The following TTLL10 variants were observed in gnomAD, a reference collection of about 807,000 sequenced individuals.
TTLL10 encodes the protein tubulin tyrosine ligase like 10, also known as inactive polyglycylase TTLL10.
In TTLL10, 61 loss-of-function variants were observed where a neutral mutation model predicts 69.0. That is an observed-to-expected ratio of 0.88 (90% CI 0.72 to 1.09). The LOEUF is 1.09. TTLL10 is among the 50% of genes least tolerant of loss of function. The pLI, the probability that TTLL10 is intolerant of heterozygous loss-of-function variation, is 0.00. For missense variants in TTLL10, 962 were observed against 945.9 expected (o/e 1.02, Z -0.22); for synonymous variants, 408 against 393.3 (o/e 1.04, Z -0.44).
At chr1:1,176,524 C>T (rs1386567183) in intron 3 of TTLL10, 19 of 390,740 alleles carry the variant, frequency 4.9e-5, no homozygotes, top group Admixed American at 1.3e-4. Context: ...TTTCCCACCT[C>T]CACACCTTTT....
Position 1,182,984 on chromosome 1 carries a change from T to A in TTLL10, c.1025T>A (p.Met342Lys), listed in dbSNP as rs1452536580. ...VAALQAKTRS[M>K]EDDPIHHKTP... ...GCCCTGCAGGCCAAGACCCGGAGCA[T>A]GGAGGACGACCCCATCCACCACAAG... Residue 342 changes from methionine (M) to lysine (K), a missense_variant, in exon 11 of 16, where the codon ATG becomes AAG. Transcript: ENST00000379289. 1 of 1,609,392 alleles carries A rather than the reference T, an allele frequency of 6.2e-7. No homozygotes were observed. Among genetic ancestry groups the A allele is most frequent in the Non-Finnish European group, 8.5e-7 (1 of 1,178,496 alleles).
chr1:1,185,745 G>A lies in TTLL10; in HGVS notation c.1401+636G>A, dbSNP rs1060778. The A allele has an allele frequency of 1.0e-6, 1 of 985,560 alleles. No individual in the cohort carries two copies. The highest frequency in any genetic ancestry group is 1.2e-6 in the Non-Finnish European group (1 of 829,996). The allele number at this position is 985,560 out of a possible 1,614,324, so 61.1% of individuals were successfully genotyped here. On this transcript the variant is annotated intron_variant, in intron 13 of 15. Coordinates refer to ENST00000379289, the MANE Select transcript of TTLL10 (RefSeq NM_001130045.2). This position sits in a 1 kb window ranked among gnomAD's most constrained non-coding sequence, Gnocchi z 6.1. ...AGGGATGGTCCTTCCTCACCCACAG[G>A]CGTGTGTCACTGTGGCTGGGACGGC...
chr1:1,197,751 G>T lies in TTLL10; in HGVS notation c.1926G>T (p.Thr642=). 6.5e-7 allele frequency: 1 copy of T among 1,535,294 alleles called. No individual in the cohort carries two copies. The change falls in exon 16 of 16, where the codon ACG becomes ACT. Residue 642 remains threonine (T), a synonymous_variant. Coordinates refer to ENST00000379289, the MANE Select transcript of TTLL10 (RefSeq NM_001130045.2). ...ATGGGGAGCCCCAGGCCCCGGGCAC[G>T]GAGCAGTCGGGCACAGGCAACAGGC... The part of the protein sequence containing the change: ...AHDGEPQAPG[T]EQSGTGNRHP...
intron 3 of TTLL10, among the ~76,000 whole-genome samples, chr1:1,178,798 C>T (rs1646949779): frequency 6.6e-6 from 1 of 152,144 alleles, no homozygotes. Flanking sequence ...GCTCCGGGGT[C>T]AGCAGCGGAG....
chr1:1,179,702 C>T lies in TTLL10; in HGVS notation c.164C>T (p.Pro55Leu). 1 of 1,550,780 alleles carries T rather than the reference C, an allele frequency of 6.4e-7. No homozygotes were observed. The highest frequency in any genetic ancestry group is 8.7e-7 in the Non-Finnish European group (1 of 1,146,818). ...CTGCACCCAGCACCGGCCTCACAGC[C>T]CGGCCCCTGCCCTGCACCAGGCCAC... is the stretch of plus-strand genomic sequence containing the variant. ...SRLHPAPASQ[P>L]GPCPAPGHCP... is the part of the protein sequence containing the mutation. Residue 55 changes from proline (P) to leucine (L), a missense_variant, in exon 5 of 16, where the codon CCC (proline) becomes CTC (leucine). Pro to Leu is a moderately conservative substitution (Grantham distance 98). Transcript: ENST00000379289.
In TTLL10 at chr1:1,181,852, G is replaced by C; in HGVS notation, c.830+37G>C. 1 of 1,563,854 alleles carries C rather than the reference G, an allele frequency of 6.4e-7. No individual in the cohort carries two copies. The highest frequency in any genetic ancestry group is 8.7e-7 in the Non-Finnish European group (1 of 1,149,474). On this transcript the variant is annotated intron_variant, in intron 9 of 15. Coordinates refer to ENST00000379289, the MANE Select transcript of TTLL10 (RefSeq NM_001130045.2). The surrounding 1 kb of genome is among the most constrained non-coding windows in gnomAD (Gnocchi z 4.6). The stretch of plus-strand genomic sequence containing the variant: ...CCAGCTGTGAGGGGCCCTTCAGACC[G>C]AAGTTCAGACCTAAACCTGGTGTCG...
chr1:1,182,367 G>T lies in TTLL10; in HGVS notation c.837G>T (p.Leu279=). ...SPGYLRPQRV[L]RMEEFFPETY... Reference sequence around the variant, plus strand: ...CTGCCTCCCTGCCCTGCAGGGTCCTGAGAATGGAAGAGTTTTTCCCAGAGA... The same window carrying T: ...CTGCCTCCCTGCCCTGCAGGGTCCTTAGAATGGAAGAGTTTTTCCCAGAGA... The change falls in exon 10 of 16, where the codon CTG becomes CTT. Residue 279 remains leucine (L), a synonymous_variant. Coordinates refer to ENST00000379289, the MANE Select transcript of TTLL10 (RefSeq NM_001130045.2). 6.2e-7 allele frequency: 1 copy of T among 1,613,848 alleles called. No homozygotes were observed. The highest frequency in any genetic ancestry group is 1.1e-5 in the South Asian group (1 of 91,082).
rs1452688429 is a variant in TTLL10 at position 1,175,935 on chromosome 1, G to A, written c.-28+1446G>A. ...TGCTGCTCCCAGCCGCTGTGCAGGT[G>A]GAGAGAGGCTGACGCTGTGCAGGTG... On this transcript the variant is annotated intron_variant, in intron 3 of 15. Transcript: ENST00000379289. 1.1e-5 allele frequency: 5 copies of A among 441,116 alleles called. No individual in the cohort carries two copies. The Admixed American group carries it at 1.2e-4, about 11-fold the overall frequency. The allele number at this position is 441,116 out of a possible 1,614,324, so 27.3% of individuals were successfully genotyped here. A position where few individuals can be genotyped will look rare whatever the true frequency, so the allele number is the denominator to read the frequency against.
At chr1:1,187,325 G>T (rs1427347069) in intron 13 of TTLL10, among the ~76,000 whole-genome samples, 1 of 151,746 alleles carries the variant, frequency 6.6e-6, no homozygotes, top group Admixed American at 6.6e-5. Flanking sequence ...CATGCTTTTA[G>T]TATCATATCT....
At chr1:1,183,790 C>A in intron 11 of TTLL10, 130 bp from the exon 12 acceptor site, 3 of 1,225,154 alleles carry the variant, frequency 2.4e-6, no homozygotes, top group Non-Finnish European at 3.5e-6. Flanking sequence ...TGCCCCCTTT[C>A]CCTGGAGGTC....
chr1:1,194,656 G>C (rs1029949173), intron 13 of TTLL10, among the ~76,000 whole-genome samples: 1 of 152,114 alleles, frequency 6.6e-6, no homozygotes, highest in African/African-American at 2.4e-5. Context: ...CCCACCTCAC[G>C]ACCTCTAATG....
intron 13 of TTLL10, among the ~76,000 whole-genome samples, chr1:1,189,113 C>A (rs1374926029): frequency 6.6e-6 from 1 of 152,114 alleles, no homozygotes; most frequent in Non-Finnish European, 1.5e-5. Flanking sequence ...TTTACCTCTT[C>A]CTTTCAAATT....
intron 8 of TTLL10, 97 bp downstream of exon 8, chr1:1,180,957 CGCCCCTGCCCTT>C (rs1570411302): frequency 1.7e-6 from 2 of 1,172,148 alleles, no homozygotes; most frequent in East Asian, 3.1e-5. Context: ...CCCCTGCGCC[CGCCCCTGCCCTT>C]GCCCCTGCCC....
intron 13 of TTLL10, 150 bp from the exon 14 acceptor site, chr1:1,196,450 G>A (rs1439251227): frequency 3.2e-6 from 2 of 633,660 alleles, no homozygotes; most frequent in Admixed American, 4.5e-5. Flanking sequence ...AACCTGTGAG[G>A]CTGAGTGCAC....
intron 6 of TTLL10, 47 bp downstream of exon 6, chr1:1,180,387 C>T (rs1448301875): frequency 6.5e-7 from 1 of 1,540,622 alleles, no homozygotes; most frequent in South Asian, 1.2e-5. Context: ...ATACCCACCG[C>T]CTGCTCCCGG....
At position 1,182,864 on chromosome 1, in the gene TTLL10, C is replaced by A. The variant is rs760072128; in HGVS notation, c.917-12C>A. 8 of 1,555,306 alleles carry A rather than the reference C, an allele frequency of 5.1e-6. No homozygotes were observed. Among genetic ancestry groups the A allele is most frequent in the South Asian group, 4.8e-5 (4 of 84,092 alleles). On this transcript the variant is annotated splice_polypyrimidine_tract_variant and intron_variant, in intron 10 of 15. Coordinates refer to ENST00000379289, the MANE Select transcript of TTLL10 (RefSeq NM_001130045.2). ...GGGGCGAGGCCAGGGGCTCAGGCCG[C>A]GCTCTCTGCAGAAACCCAGATATGG... is the stretch of plus-strand genomic sequence containing the variant.
intron 7 of TTLL10, 25 bp downstream of exon 7, chr1:1,180,626 G>T (rs531145120): frequency 6.4e-7 from 1 of 1,552,146 alleles, no homozygotes. Flanking sequence ...CACCAGAGGC[G>T]GGCAGCCTGC....
chr1:1,184,461 G>A (rs1647189658), intron 12 of TTLL10, among the ~76,000 whole-genome samples: 1 of 152,236 alleles, frequency 6.6e-6, no homozygotes, highest in African/African-American at 2.4e-5. Context: ...GGCCCTGTGG[G>A]CAGAGATTTC....
Position 1,180,605 on chromosome 1 carries a change from G to A in TTLL10, c.625+4G>A. The A allele has an allele frequency of 6.4e-7, 1 of 1,551,730 alleles. No individual in the cohort carries two copies. The highest frequency in any genetic ancestry group is 8.7e-7 in the Non-Finnish European group (1 of 1,147,358). ...AGCTACGGCAGCTTCCGGGAAGGTA[G>A]CGGGAGCCGGCACCAGAGGCGGGCA... On this transcript the variant is annotated splice_donor_region_variant and intron_variant, in intron 7 of 15. Transcript: ENST00000379289.
Sources: allele counts gnomAD v4.1 joint callset (sites outside exome capture counted in the v4.1 genomes callset), GRCh38; gene constraint gnomAD v4.1.1; non-coding constraint Gnocchi (gnomAD v3.1); transcripts MANE v1.5; gene names NCBI Gene and HGNC (gene_info 2026-07-23, HGNC 2026-07-21).